Variants in ZSCAN5A observed in about 807,000 individuals in gnomAD.
The protein encoded by ZSCAN5A is zinc finger and SCAN domain containing 5A, also known as zinc finger and SCAN domain-containing protein 5A.
Under a neutral mutation model 23.7 loss-of-function variants are expected in ZSCAN5A, and 12 were observed. The ratio of observed to expected loss-of-function variants is 0.51; its 90% CI spans 0.32 to 0.82. ZSCAN5A has a LOEUF of 0.82. Ranked by LOEUF, ZSCAN5A falls within the 40% of genes least tolerant of loss-of-function variation. ZSCAN5A has a pLI of 0.03. For missense variants in ZSCAN5A, 597 were observed against 617.9 expected, an observed-to-expected ratio of 0.97 and a Z score of 0.36; for synonymous variants, 257 against 239.9, an observed-to-expected ratio of 1.07 and a Z score of -0.66.
intron 2 of ZSCAN5A, among the ~76,000 whole-genome samples, chr19:56,245,777 TCAA>T (rs2035839631): frequency 2.1e-4 from 32 of 152,216 alleles, no homozygotes; most frequent in Admixed American, 2.1e-3. Context: ...CTACAGATTG[TCAA>T]TTTCTTAATT....
In ZSCAN5A at chr19:56,321,021, A is replaced by G; in HGVS notation, c.-357-4753T>C. The stretch of plus-strand genomic sequence containing the variant: ...AAGTTGTCCACTTTCCACCTGCTGT[A>G]GTAATAAGACTTCTCTCACTGACAT... On this transcript the variant is annotated intron_variant, in intron 2 of 6. Coordinates refer to the ZSCAN5A transcript ENST00000587340. 4.3e-6 allele frequency: 3 copies of G among 703,474 alleles called. No individual in the cohort carries two copies. In the East Asian group the frequency reaches 8.0e-5, roughly 19 times the overall value. 43.6% of individuals were successfully genotyped at this position (703,474 alleles called of 1,614,324 possible). A position where few individuals can be genotyped will look rare whatever the true frequency, so the allele number is the denominator to read the frequency against.
chr19:56,248,073 C>A (rs2036076407), intron 2 of ZSCAN5A, among the ~76,000 whole-genome samples: 2 of 152,144 alleles, frequency 1.3e-5, no homozygotes, highest in African/African-American at 2.4e-5. Flanking sequence ...TGCTATTACC[C>A]ACTGTTTTGC....
intron 1 of ZSCAN5A, among the ~76,000 whole-genome samples, chr19:56,367,040 G>A (rs769036505): frequency 1.3e-5 from 2 of 152,034 alleles, no homozygotes; most frequent in South Asian, 2.1e-4. Flanking sequence ...TCCCCGAGCC[G>A]AAAAAAAGTC....
chr19:56,247,787 G>T (rs1229479425), intron 2 of ZSCAN5A, among the ~76,000 whole-genome samples: 2 of 152,142 alleles, frequency 1.3e-5, no homozygotes, highest in South Asian at 2.1e-4. Context: ...AGTCTCCCAG[G>T]TTCACATCAT....
intron 4 of ZSCAN5A, 80 bp downstream of exon 4, chr19:56,223,551 T>G: frequency 6.9e-7 from 1 of 1,445,206 alleles, no homozygotes; most frequent in Non-Finnish European, 9.5e-7. Flanking sequence ...GTCAAATCTC[T>G]CAATCAGTCC....
chr19:56,242,395 G>C (rs146525608), intron 2 of ZSCAN5A, among the ~76,000 whole-genome samples: 1,865 of 152,250 alleles, frequency 0.012, 12 homozygotes, highest in Non-Finnish European at 0.018. Flanking sequence ...TCTTGCTCTG[G>C]AGTAGTTTGA....
rs2033131384 is a variant in ZSCAN5A, at chr19:56,221,361, A to C, written c.*214T>G. 1 of 517,460 alleles carries C rather than the reference A, an allele frequency of 1.9e-6. No individual in the cohort carries two copies. Among genetic ancestry groups the C allele is most frequent in the South Asian group, 4.5e-5 (1 of 22,352 alleles). The allele number at this position is 517,460 out of a possible 1,614,324, so 32.1% of individuals were successfully genotyped here. Reference sequence around the variant, plus strand: ...TTGGAAGAACAGCAACACAAACCAAAATAAACCTATAAGAAAACAATGGAC... The same window carrying C: ...TTGGAAGAACAGCAACACAAACCAACATAAACCTATAAGAAAACAATGGAC... On this transcript the variant is annotated 3_prime_UTR_variant, in exon 6 of 6. Transcript: ENST00000683990.
At position 56,223,741 on chromosome 19, in the gene ZSCAN5A, C is replaced by A. The variant is rs1236034703; in HGVS notation, c.478G>T (p.Asp160Tyr). ...GAGGAGGCCCGTTGGCTGGACACGTCTTTCAGATCATCTCTGACACTGGAG... is the reference window on the plus strand; with the variant it reads ...GAGGAGGCCCGTTGGCTGGACACGTATTTCAGATCATCTCTGACACTGGAG... Reference protein sequence around the residue: ...APSSVRDDLKDVSSQRASSVN... With the variant: ...APSSVRDDLKYVSSQRASSVN... The change falls in exon 4 of 6, where the codon GAC becomes TAC. Residue 160 changes from aspartate (D) to tyrosine (Y), a missense_variant. Asp to Tyr is a radical substitution (Grantham distance 160, BLOSUM62 -3). Transcript: ENST00000683990. 6.2e-7 allele frequency: 1 copy of A among 1,613,998 alleles called. No homozygotes were observed. The highest frequency in any genetic ancestry group is 8.5e-7 in the Non-Finnish European group (1 of 1,180,000).
chr19:56,296,610 CTG>C (rs2039893697), intron 2 of ZSCAN5A, among the ~76,000 whole-genome samples: 1 of 152,082 alleles, frequency 6.6e-6, no homozygotes, highest in South Asian at 2.1e-4. Context: ...AGACAGAAGT[CTG>C]TGACCAAGTG....
chr19:56,222,623 G>C lies in ZSCAN5A; in HGVS notation c.707C>G (p.Thr236Arg). The C allele has an allele frequency of 6.2e-7, 1 of 1,614,194 alleles. No homozygotes were observed. Among genetic ancestry groups the C allele is most frequent in the Non-Finnish European group, 8.5e-7 (1 of 1,180,042 alleles). ...KENREENPGLTSPEPQLPKSP... is the reference protein window; with the variant it reads ...KENREENPGLRSPEPQLPKSP... ...CTTTGGAAGCTGAGGCTCTGGGGAT[G>C]TCAGTCCTGGGTTCTCTTCCCTGTT... The change falls in exon 5 of 6, where the codon ACA becomes AGA. Residue 236 changes from threonine to arginine, a missense_variant. Physicochemically the swap from Thr to Arg is moderately conservative, Grantham distance 71. This residue lies in a region of ZSCAN5A where 406 missense variants were observed against 353.2 expected (regional missense o/e 1.15). Transcript: ENST00000683990.
At chr19:56,362,213 TAATA>T (rs1444531217) in intron 2 of ZSCAN5A, among the ~76,000 whole-genome samples, 1 of 152,108 alleles carries the variant, frequency 6.6e-6, no homozygotes, top group Non-Finnish European at 1.5e-5. Context: ...GTAATTTCTT[TAATA>T]AATATTGTAC....
At chr19:56,329,280 C>G (rs2041467829) in intron 2 of ZSCAN5A, among the ~76,000 whole-genome samples, 1 of 151,760 alleles carries the variant, frequency 6.6e-6, no homozygotes, top group South Asian at 2.1e-4. Flanking sequence ...ATCTGGGAGG[C>G]AGAAGTTGCA....
chr19:56,274,072 G>A (rs1052492070), intron 2 of ZSCAN5A, among the ~76,000 whole-genome samples: 1 of 152,160 alleles, frequency 6.6e-6, no homozygotes, highest in Non-Finnish European at 1.5e-5. Flanking sequence ...GCTGGTGGTT[G>A]GGGATAGAGA....
intron 2 of ZSCAN5A, among the ~76,000 whole-genome samples, chr19:56,325,889 C>T (rs926738266): frequency 2.0e-5 from 3 of 151,458 alleles, no homozygotes; most frequent in African/African-American, 7.3e-5. Flanking sequence ...CAAAAAATTA[C>T]ATATATTTAG....
chr19:56,344,600 G>C (rs1475603824), intron 2 of ZSCAN5A, among the ~76,000 whole-genome samples: 1 of 150,744 alleles, frequency 6.6e-6, no homozygotes, highest in Non-Finnish European at 1.5e-5. Flanking sequence ...GAGAAACCCC[G>C]TCTCTATTAA....
intron 2 of ZSCAN5A, chr19:56,274,459 GAAA>G (rs1403156122): frequency 1.4e-5 from 1 of 72,362 alleles, no homozygotes; most frequent in East Asian, 3.1e-4. Flanking sequence ...GTTTCAAAAA[GAAA>G]AAAAGAAAAA....
rs1269247944 is a variant in ZSCAN5A, at chr19:56,352,809, AC to A, written c.-358+10425del. On this transcript the variant is annotated intron_variant, in intron 2 of 6. Transcript: ENST00000587340. This position sits in a 1 kb window ranked among gnomAD's most constrained non-coding sequence, Gnocchi z 4.2. Reference sequence around the variant, plus strand: ...TGAAACTGGGTGCAACACAGTTTCAACACAGATGTCCAAAGTCCAGGCCTAG... The same window carrying A: ...TGAAACTGGGTGCAACACAGTTTCAAACAGATGTCCAAAGTCCAGGCCTAG... Among the ~76,000 whole-genome samples, 2 of 152,206 alleles carry A rather than the reference AC, an allele frequency of 1.3e-5. No individual in the cohort carries two copies. Among genetic ancestry groups the A allele is most frequent in the East Asian group, 3.8e-4 (2 of 5,196 alleles).
At chr19:56,360,989 T>TA (rs1458458567) in intron 2 of ZSCAN5A, among the ~76,000 whole-genome samples, 1 of 151,712 alleles carries the variant, frequency 6.6e-6, no homozygotes, top group Non-Finnish European at 1.5e-5. Context: ...TCAGCAAATT[T>TA]ACAAAAAACA....
At chr19:56,288,299 C>G (rs111957127) in intron 2 of ZSCAN5A, among the ~76,000 whole-genome samples, 1 of 152,174 alleles carries the variant, frequency 6.6e-6, no homozygotes, top group Admixed American at 6.5e-5. Context: ...CCCAGGAAGA[C>G]GCCCACATCG....
Sources: allele counts gnomAD v4.1 joint callset (sites outside exome capture counted in the v4.1 genomes callset), GRCh38; gene constraint gnomAD v4.1.1; regional missense constraint gnomAD v4.1.1; non-coding constraint Gnocchi (gnomAD v3.1); transcripts MANE v1.5; gene names NCBI Gene and HGNC (gene_info 2026-07-23, HGNC 2026-07-21).